Variants in EDARADD observed in about 807,000 individuals in gnomAD.
EDARADD encodes the protein ectodysplasin-A receptor-associated adapter protein.
EDARADD carries 20 observed loss-of-function variants against 25.6 expected under a neutral mutation model. The observed-to-expected ratio is 0.78, with a 90% CI of 0.55 to 1.14. The LOEUF (loss-of-function observed/expected upper bound fraction) is 1.14. Ranked by LOEUF, EDARADD falls within the 50% of genes most tolerant of loss-of-function variation. The pLI, the probability that EDARADD is intolerant of heterozygous loss-of-function variation, is 0.00. For missense variants in EDARADD, 225 were observed against 270.1 expected (o/e 0.83, Z 1.17); for synonymous variants, 86 against 94.4 (o/e 0.91, Z 0.52).
chr1:236,459,222 C>T (rs184317481), intron 4 of EDARADD, among the ~76,000 whole-genome samples: 117 of 152,180 alleles, frequency 7.7e-4, no homozygotes, highest in African/African-American at 2.6e-3. Context: ...TGCAAAAACT[C>T]CCTGCCTGTC....
intron 3 of EDARADD, among the ~76,000 whole-genome samples, chr1:236,417,519 A>G (rs1023146051): frequency 2.1e-4 from 32 of 152,166 alleles, no homozygotes; most frequent in East Asian, 5.8e-4. Flanking sequence ...CTGTTTTCTC[A>G]TAGGGCATAA....
chr1:236,363,099 C>A (rs1214039807), intron 3 of EDARADD, among the ~76,000 whole-genome samples: 6 of 142,456 alleles, frequency 4.2e-5, no homozygotes, highest in Non-Finnish European at 9.0e-5. Context: ...AAACTCCTGG[C>A]CTCAAGTGAT....
At chr1:236,383,845 A>T (rs1224691644) in intron 3 of EDARADD, among the ~76,000 whole-genome samples, 2 of 152,044 alleles carry the variant, frequency 1.3e-5, no homozygotes, top group Non-Finnish European at 2.9e-5. Context: ...CTGTACAAAA[A>T]GTTTAAGAAC....
chr1:236,400,210 T>G (rs1484396086), intron 1 of EDARADD, among the ~76,000 whole-genome samples: 1 of 152,228 alleles, frequency 6.6e-6, no homozygotes, highest in Non-Finnish European at 1.5e-5. Flanking sequence ...GTGAGTTTCC[T>G]TCTCTCTACC....
chr1:236,399,375 C>T (rs111412253), intron 1 of EDARADD, among the ~76,000 whole-genome samples: 6,629 of 152,112 alleles, frequency 0.044, 367 homozygotes, highest in African/African-American at 0.14. Flanking sequence ...TTAGTAGAGA[C>T]GGGGTTTCAC....
intron 3 of EDARADD, among the ~76,000 whole-genome samples, chr1:236,372,862 T>C (rs996513262): frequency 3.3e-5 from 5 of 152,016 alleles, no homozygotes; most frequent in African/African-American, 1.2e-4. Flanking sequence ...TTCATAATAT[T>C]CCTTTATTAT....
Position 236,482,331 on chromosome 1 carries a change from C to G in EDARADD, c.330C>G (p.Pro110=). 1.2e-6 allele frequency: 2 copies of G among 1,614,096 alleles called. No individual in the cohort carries two copies. Among genetic ancestry groups the G allele is most frequent in the Non-Finnish European group, 1.7e-6 (2 of 1,180,036 alleles). The change falls in exon 6 of 6, where the codon CCC becomes CCG. Residue 110 remains proline, a synonymous_variant. Transcript: ENST00000334232. The part of the protein sequence containing the change: ...CTCSSCLLRA[P]TISDLLNDQD... Reference sequence around the variant, plus strand: ...GTTCCTCCTGCTTGCTCCGGGCCCCCACCATAAGTGACTTGCTCAATGATC... The same window carrying G: ...GTTCCTCCTGCTTGCTCCGGGCCCCGACCATAAGTGACTTGCTCAATGATC...
intron 3 of EDARADD, among the ~76,000 whole-genome samples, chr1:236,360,549 T>TG: frequency 6.9e-6 from 1 of 144,810 alleles, no homozygotes; most frequent in Admixed American, 6.9e-5. Context: ...TTTTTTTTTT[T>TG]TTTTTTTTTT....
At chr1:236,365,188 G>A (rs1667098864) in intron 3 of EDARADD, among the ~76,000 whole-genome samples, 1 of 151,276 alleles carries the variant, frequency 6.6e-6, no homozygotes, top group Admixed American at 6.6e-5. Flanking sequence ...CTTTGAGACA[G>A]GGTCTTTCTC....
In EDARADD at chr1:236,483,660, CAGG is replaced by C; in HGVS notation, c.*1014_*1016del. 6.3e-7 allele frequency: 1 copy of C among 1,575,180 alleles called. No individual in the cohort carries two copies. The highest frequency in any genetic ancestry group is 8.7e-7 in the Non-Finnish European group (1 of 1,146,492). ...TCATGCTGTCACCAAGCTGGCCATG[CAGG>C]AGTTCATGGTCCTCCCAGTCGGTGC... On this transcript the variant is annotated 3_prime_UTR_variant, in exon 6 of 6. Transcript: ENST00000334232.
At chr1:236,460,664 A>C (rs1449312150) in intron 4 of EDARADD, among the ~76,000 whole-genome samples, 2 of 152,168 alleles carry the variant, frequency 1.3e-5, no homozygotes, top group African/African-American at 4.8e-5. Context: ...AGAAAAACCC[A>C]ACAGGAGATT....
In EDARADD at chr1:236,457,244, G is replaced by A. The variant is rs559787794; in HGVS notation, c.220-10987G>A. ...AAACATATTCAAGTTTACCGGGCAC[G>A]GGGGCTCACGCCTGTAATCCCAGCA... On this transcript the variant is annotated intron_variant, in intron 4 of 5. Coordinates refer to ENST00000334232, the MANE Select transcript of EDARADD (RefSeq NM_145861.4). Among the ~76,000 whole-genome samples the A allele has an allele frequency of 1.1e-3, 164 of 152,264 alleles. 1 individual carries two copies. Among genetic ancestry groups the A allele is most frequent in the Middle Eastern group, 0.01 (3 of 294 alleles).
At chr1:236,480,098 T>TAC (rs1421888094) in intron 5 of EDARADD, among the ~76,000 whole-genome samples, 1 of 54,230 alleles carries the variant, frequency 1.8e-5, no homozygotes, top group Non-Finnish European at 4.5e-5. Context: ...AAGTATGCCA[T>TAC]ATATATATAT....
chr1:236,472,321 G>A (rs544687970), intron 5 of EDARADD, among the ~76,000 whole-genome samples: 18 of 152,310 alleles, frequency 1.2e-4, no homozygotes, highest in East Asian at 1.2e-3. Context: ...CAAGGCAGGC[G>A]GAGGTTTTCA....
At chr1:236,377,303 A>G (rs1231175585) in intron 3 of EDARADD, among the ~76,000 whole-genome samples, 1 of 150,398 alleles carries the variant, frequency 6.6e-6, no homozygotes, top group East Asian at 2.0e-4. Flanking sequence ...TTACAGGGGC[A>G]TGCCACCACA....
intron 1 of EDARADD, among the ~76,000 whole-genome samples, chr1:236,402,264 C>G (rs1667626515): frequency 6.6e-6 from 1 of 152,170 alleles, no homozygotes; most frequent in African/African-American, 2.4e-5. Context: ...GCCCAGCCCA[C>G]TTCTATTTTA....
rs34509027 is a variant in EDARADD, at chr1:236,385,089, C to CTTTTTTTTTTTTTTTTTTTTTTTT, written c.-5-24110_-5-24109insTTTTTTTTTTTTTTTTTTTTTTTT. On this transcript the variant is annotated intron_variant, in intron 3 of 7. Coordinates refer to the EDARADD transcript ENST00000439430. ...GATTTTTATTCTATGCCTTTTGATT[C>CTTTTTTTTTTTTTTTTTTTTTTTT]TTTTTTTTTTTTTTTTTGCCTTAAG... is the stretch of plus-strand genomic sequence containing the variant. 2.8e-3 allele frequency among the ~76,000 whole-genome samples: 337 copies of CTTTTTTTTTTTTTTTTTTTTTTTT among 121,886 alleles called. 17 individuals are homozygous for CTTTTTTTTTTTTTTTTTTTTTTTT. Among genetic ancestry groups the CTTTTTTTTTTTTTTTTTTTTTTTT allele is most frequent in the Middle Eastern group, 9.0e-3 (2 of 222 alleles). 80.0% of individuals were successfully genotyped at this position (121,886 alleles called of 152,430 possible).
intron 4 of EDARADD, among the ~76,000 whole-genome samples, chr1:236,467,577 G>A (rs546934231): frequency 6.6e-6 from 1 of 152,018 alleles, no homozygotes; most frequent in Non-Finnish European, 1.5e-5. Context: ...AGATTTGGAC[G>A]CCACTTTTTC....
chr1:236,469,570 A>C (rs911462777), intron 5 of EDARADD, among the ~76,000 whole-genome samples: 2 of 152,172 alleles, frequency 1.3e-5, no homozygotes, highest in African/African-American at 4.8e-5. Flanking sequence ...GACTGAAGTC[A>C]CCAGAGTTTT....
Sources: allele counts gnomAD v4.1 joint callset (sites outside exome capture counted in the v4.1 genomes callset), GRCh38; gene constraint gnomAD v4.1.1; transcripts MANE v1.5; gene names NCBI Gene and HGNC (gene_info 2026-07-23, HGNC 2026-07-21).